Variants in TVP23A observed in about 807,000 individuals in gnomAD.
TVP23A encodes Golgi apparatus membrane protein TVP23 homolog A.
Under a neutral mutation model 31.7 loss-of-function variants are expected in TVP23A, and 21 were observed. That is an observed-to-expected ratio of 0.66 (90% CI 0.47 to 0.95). TVP23A has a LOEUF of 0.95. Among genes scored for constraint, TVP23A ranks in the 40% least tolerant of loss-of-function variants. The pLI, the probability that TVP23A is intolerant of heterozygous loss-of-function variation, is 0.00. For synonymous variants in TVP23A, 104 were observed against 96.0 expected (o/e 1.08, Z -0.49); for missense variants, 279 against 255.6 (o/e 1.09, Z -0.62).
In TVP23A at chr16:10,810,700, C is replaced by T. The variant is rs139546181; in HGVS notation, c.89+7403G>A. On this transcript the variant is annotated intron_variant, in intron 2 of 7. Transcript: ENST00000299866. ...CCCTGCTTGAGCTAGGATAGCCGTC[C>T]TCATCTCCTCTCAGACATCATACCT... is the stretch of plus-strand genomic sequence containing the variant. 3.6e-3 allele frequency among the ~76,000 whole-genome samples: 544 copies of T among 152,256 alleles called. 3 individuals carry two copies. Among genetic ancestry groups the T allele is most frequent in the African/African-American group, 0.013 (523 of 41,562 alleles).
At chr16:10,760,401 A>G (rs1213312260), downstream of TVP23A, among the ~76,000 whole-genome samples, 1 of 152,254 alleles carries the variant, frequency 6.6e-6, no homozygotes, top group Non-Finnish European at 1.5e-5. Flanking sequence ...CAGTGCACAC[A>G]CTGGCTTAAT....
chr16:10,773,461 C>A lies in TVP23A; in HGVS notation c.325-20G>T. The stretch of plus-strand genomic sequence containing the variant: ...AGAGACCTGTTAAAGGAAAGTAATT[C>A]AAATGTCAAAACAAGTGGAAATGGT... On this transcript the variant is annotated intron_variant, in intron 4 of 7. Transcript: ENST00000299866. The A allele has an allele frequency of 6.4e-7, 1 of 1,561,600 alleles. No individual in the cohort carries two copies. The highest frequency in any genetic ancestry group is 2.3e-5 in the East Asian group (1 of 43,630).
intron 2 of TVP23A, among the ~76,000 whole-genome samples, chr16:10,793,174 A>G (rs1393871204): frequency 6.6e-6 from 1 of 152,078 alleles, no homozygotes; most frequent in East Asian, 1.9e-4. Flanking sequence ...CTGTAATCCT[A>G]TCTACTCGGG....
intron 2 of TVP23A, among the ~76,000 whole-genome samples, chr16:10,794,243 G>A (rs2033264373): frequency 6.6e-6 from 1 of 152,188 alleles, no homozygotes; most frequent in African/African-American, 2.4e-5. Context: ...CATTTTACAG[G>A]GGACAAATAT....
At position 10,767,242 on chromosome 16, in the gene TVP23A, A is replaced by T. The variant is rs968331737; in HGVS notation, c.*1860T>A. 2 of 399,560 alleles carry T rather than the reference A, an allele frequency of 5.0e-6. No homozygotes were observed. Among genetic ancestry groups the T allele is most frequent in the African/African-American group, 4.1e-5 (2 of 48,526 alleles). The allele number at this position is 399,560 out of a possible 1,614,324, so 24.8% of individuals were successfully genotyped here. ...ACTGGAGGCGAGAACACCCCCATTG[A>T]CCCCTAGCCCCTTGTGTCCTGTCCA... On this transcript the variant is annotated 3_prime_UTR_variant, in exon 8 of 8. Coordinates refer to ENST00000299866, the MANE Select transcript of TVP23A (RefSeq NM_001079512.4). This position sits in a 1 kb window ranked among gnomAD's most constrained non-coding sequence, Gnocchi z 4.6.
rs140935357 is a variant in TVP23A at position 10,802,349 on chromosome 16, G to A, written c.89+15754C>T. Among the ~76,000 whole-genome samples, 292 of 149,370 alleles carry A rather than the reference G, an allele frequency of 2.0e-3. 2 individuals are homozygous for A. Among genetic ancestry groups the A allele is most frequent in the African/African-American group, 6.5e-3 (262 of 40,532 alleles). ...GGCTGGAATGCAGTGGTGTGATCTC[G>A]GCTCACTGCAACCTCTGCCTCCTGG... On this transcript the variant is annotated intron_variant, in intron 2 of 7. Coordinates refer to ENST00000299866, the MANE Select transcript of TVP23A (RefSeq NM_001079512.4).
chr16:10,797,040 A>G (rs1479746106), intron 2 of TVP23A, among the ~76,000 whole-genome samples: 1 of 141,598 alleles, frequency 7.1e-6, no homozygotes, highest in African/African-American at 3.1e-5. Flanking sequence ...AAATCAAACA[A>G]TTAGCCAGGC....
downstream of TVP23A, among the ~76,000 whole-genome samples, chr16:10,762,446 G>A (rs1394105434): frequency 1.3e-5 from 2 of 152,216 alleles, no homozygotes; most frequent in Non-Finnish European, 2.9e-5. Context: ...GGGGTTTCAC[G>A]TCTCCACCCA....
At chr16:10,762,573 G>C (rs2030110206), downstream of TVP23A, among the ~76,000 whole-genome samples, 1 of 152,142 alleles carries the variant, frequency 6.6e-6, no homozygotes, top group Non-Finnish European at 1.5e-5. Flanking sequence ...CTCCGTTACT[G>C]GGGCCCTTTA....
rs2031197855 is a variant in TVP23A at position 10,768,306 on chromosome 16, G to GA, written c.*795dup. On this transcript the variant is annotated 3_prime_UTR_variant, in exon 8 of 8. Coordinates refer to ENST00000299866, the MANE Select transcript of TVP23A (RefSeq NM_001079512.4). The surrounding 1 kb of genome is among the most constrained non-coding windows in gnomAD (Gnocchi z 4.3). ...AAGTAATTCATTTTTAAAAGTAACT[G>GA]ATAAAAAAAAAAAAGGCCAGGTGCA... 5.5e-6 allele frequency: 1 copy of GA among 180,926 alleles called. No individual in the cohort carries two copies. The highest frequency in any genetic ancestry group is 6.2e-5 in the Admixed American group (1 of 16,162). 11.2% of individuals were successfully genotyped at this position (180,926 alleles called of 1,614,324 possible).
chr16:10,766,638 T>C (rs2030918133), downstream of TVP23A: 3 of 237,358 alleles, frequency 1.3e-5, no homozygotes, highest in South Asian at 1.8e-4. This position sits in a 1 kb window ranked among gnomAD's most constrained non-coding sequence, Gnocchi z 4.8. Context: ...TCCAGGTTCT[T>C]GGTGTCTGGA....
chr16:10,764,313 G>A (rs188860740), downstream of TVP23A, among the ~76,000 whole-genome samples: 2,090 of 152,358 alleles, frequency 0.014, 23 homozygotes, highest in Non-Finnish European at 0.019. Context: ...GTCTATTGGA[G>A]CATCTCAGTC....
At chr16:10,757,869 C>T (rs1258398679), downstream of TVP23A, 8 of 1,613,056 alleles carry the variant, frequency 5.0e-6, no homozygotes, top group Non-Finnish European at 6.8e-6. This position sits in a 1 kb window ranked among gnomAD's most constrained non-coding sequence, Gnocchi z 4.1. Flanking sequence ...ATTCCTCTTT[C>T]TAGGCATGAT....
At chr16:10,758,853 C>T (rs1900749782), downstream of TVP23A, among the ~76,000 whole-genome samples, 1 of 152,182 alleles carries the variant, frequency 6.6e-6, no homozygotes. Context: ...TAGCAGTCAC[C>T]TAGTGGCTGT....
chr16:10,816,813 T>C (rs1351813757), intron 2 of TVP23A, among the ~76,000 whole-genome samples: 1 of 151,984 alleles, frequency 6.6e-6, no homozygotes, highest in South Asian at 2.1e-4. Flanking sequence ...ACATGGCACA[T>C]GTATACATAT....
intron 2 of TVP23A, among the ~76,000 whole-genome samples, chr16:10,807,072 T>G (rs192099544): frequency 3.9e-5 from 6 of 152,298 alleles, no homozygotes; most frequent in Admixed American, 2.0e-4. Context: ...AAATAGATTT[T>G]AGAGAGCCGG....
chr16:10,758,364 T>C (rs1463641092), downstream of TVP23A, among the ~76,000 whole-genome samples: 1 of 152,120 alleles, frequency 6.6e-6, no homozygotes, highest in Non-Finnish European at 1.5e-5. Context: ...TTCCAGCTAC[T>C]TGGGAGGCTG....
chr16:10,799,730 G>T (rs2033598850), intron 2 of TVP23A, among the ~76,000 whole-genome samples: 1 of 152,236 alleles, frequency 6.6e-6, no homozygotes, highest in African/African-American at 2.4e-5. Flanking sequence ...CTTAGAAGCA[G>T]ATGGTGAAAT....
At chr16:10,792,395 A>G (rs1323944741) in intron 2 of TVP23A, among the ~76,000 whole-genome samples, 1 of 152,158 alleles carries the variant, frequency 6.6e-6, no homozygotes, top group Non-Finnish European at 1.5e-5. Context: ...AGGAAGAAGT[A>G]CATTCTCAGC....
Sources: allele counts gnomAD v4.1 joint callset (sites outside exome capture counted in the v4.1 genomes callset), GRCh38; gene constraint gnomAD v4.1.1; non-coding constraint Gnocchi (gnomAD v3.1); transcripts MANE v1.5; gene names NCBI Gene and HGNC (gene_info 2026-07-23, HGNC 2026-07-21).